NAV3: variants seen among roughly 807,000 people sequenced by gnomAD.
NAV3 encodes the protein pore membrane and/or filament interacting like protein 1.
A neutral mutation model predicts 244.7 loss-of-function variants in NAV3; 87 were observed. The ratio of observed to expected loss-of-function variants is 0.36; its 90% CI spans 0.30 to 0.42. NAV3 has a LOEUF of 0.42. NAV3 is among the 20% of genes least tolerant of loss of function. The probability of loss-of-function intolerance (pLI) is 1.00; values close to 1 mark genes in which losing one functional copy is unlikely to be tolerated. For missense variants in NAV3, 2,663 were observed against 2,893.3 expected, an observed-to-expected ratio of 0.92 and a Z score of 1.83; for synonymous variants, 1,126 against 1,042.2, an observed-to-expected ratio of 1.08 and a Z score of -1.55.
intron 1 of NAV3, among the ~76,000 whole-genome samples, chr12:77,880,954 T>C (rs1193143527): frequency 1.3e-5 from 2 of 152,120 alleles, no homozygotes; most frequent in African/African-American, 2.4e-5. Flanking sequence ...TTATATTTCA[T>C]TTATTTATTT....
chr12:77,810,262 C>T (rs1216741043), intron 2 of NAV3, among the ~76,000 whole-genome samples: 2 of 152,176 alleles, frequency 1.3e-5, no homozygotes, highest in Non-Finnish European at 2.9e-5. Flanking sequence ...AGCTCCGCCT[C>T]CCGGGTTCAC....
intron 2 of NAV3, among the ~76,000 whole-genome samples, chr12:77,676,961 T>C (rs560395267): frequency 1.3e-5 from 2 of 152,300 alleles, no homozygotes; most frequent in South Asian, 4.1e-4. Flanking sequence ...AATTGAAATG[T>C]TGACTCTAGA....
At chr12:77,841,862 T>A (rs1301702643) in intron 1 of NAV3, among the ~76,000 whole-genome samples, 1 of 152,112 alleles carries the variant, frequency 6.6e-6, no homozygotes, top group Non-Finnish European at 1.5e-5. Context: ...GAGGATTGCA[T>A]AAGAGGCTGG....
intron 1 of NAV3, among the ~76,000 whole-genome samples, chr12:77,862,256 A>C (rs1879359194): frequency 6.6e-6 from 1 of 151,792 alleles, no homozygotes; most frequent in African/African-American, 2.4e-5. Context: ...TTTTAAGTTA[A>C]ATATATAGAA....
intron 2 of NAV3, among the ~76,000 whole-genome samples, chr12:77,632,760 A>C (rs1179582552): frequency 6.6e-6 from 1 of 152,194 alleles, no homozygotes. Context: ...GTAATACACC[A>C]ATTTTTGTCT....
At chr12:77,727,167 A>G (rs999075551) in intron 2 of NAV3, among the ~76,000 whole-genome samples, 3 of 151,930 alleles carry the variant, frequency 2.0e-5, no homozygotes, top group Admixed American at 2.0e-4. Context: ...GATTCCATTT[A>G]CTAGGACTGG....
intron 12 of NAV3, among the ~76,000 whole-genome samples, chr12:78,084,924 T>A (rs553007568): frequency 1.3e-5 from 2 of 152,226 alleles, no homozygotes; most frequent in South Asian, 4.1e-4. Flanking sequence ...TTATTTATGA[T>A]GTTTGAATAG....
At chr12:77,947,760 G>A (rs920413093) in intron 3 of NAV3, among the ~76,000 whole-genome samples, 2 of 151,952 alleles carry the variant, frequency 1.3e-5, no homozygotes, top group Admixed American at 6.6e-5. Context: ...GCAAAAATAT[G>A]TATAAACTAC....
At chr12:77,764,702 T>G (rs969147634) in intron 2 of NAV3, among the ~76,000 whole-genome samples, 2 of 152,238 alleles carry the variant, frequency 1.3e-5, no homozygotes, top group Non-Finnish European at 2.9e-5. Flanking sequence ...TCACTGAATT[T>G]TATTATTCCT....
intron 1 of NAV3, among the ~76,000 whole-genome samples, chr12:77,922,329 G>T (rs74106214): frequency 2.0e-5 from 3 of 152,014 alleles, no homozygotes; most frequent in African/African-American, 7.3e-5. Context: ...GAGGGCCAGC[G>T]CTTCTTTTCC....
intron 2 of NAV3, among the ~76,000 whole-genome samples, chr12:77,654,825 C>T (rs896431892): frequency 2.0e-5 from 3 of 151,030 alleles, no homozygotes; most frequent in African/African-American, 7.4e-5. Context: ...CTGCAGACAC[C>T]ACTGCTAATA....
chr12:77,659,104 C>G (rs1435123737), intron 2 of NAV3, among the ~76,000 whole-genome samples: 9 of 151,642 alleles, frequency 5.9e-5, no homozygotes, highest in Non-Finnish European at 1.0e-4. Flanking sequence ...CCAAAATTGA[C>G]AAATGGGATC....
chr12:78,020,646 A>G (rs1384413147), intron 8 of NAV3, among the ~76,000 whole-genome samples: 1 of 152,184 alleles, frequency 6.6e-6, no homozygotes, highest in African/African-American at 2.4e-5. Flanking sequence ...TAGGACTGTC[A>G]GTTAAATATT....
chr12:77,920,139 T>C (rs1379924095), intron 1 of NAV3, among the ~76,000 whole-genome samples: 1 of 151,990 alleles, frequency 6.6e-6, no homozygotes, highest in African/African-American at 2.4e-5. Flanking sequence ...GCAAATTGCT[T>C]AGTATCTTTA....
chr12:77,587,561 T>TA (rs748318088), intron 2 of NAV3, among the ~76,000 whole-genome samples: 83 of 152,308 alleles, frequency 5.4e-4, no homozygotes, highest in Non-Finnish European at 9.4e-4. Flanking sequence ...AATCATTAGT[T>TA]ACGTTTATAT....
intron 2 of NAV3, among the ~76,000 whole-genome samples, chr12:77,779,752 C>G (rs539616383): frequency 1.2e-4 from 19 of 152,266 alleles, no homozygotes; most frequent in African/African-American, 4.3e-4. Context: ...CATCAACATG[C>G]GAGTTCTTTT....
At chr12:78,049,711 AG>A (rs200836020) in intron 9 of NAV3, among the ~76,000 whole-genome samples, 8,710 of 152,234 alleles carry the variant, frequency 0.057, 716 homozygotes, top group African/African-American at 0.19. Flanking sequence ...AACATGGATT[AG>A]TAAACAGCAT....
chr12:78,175,274 G>C, intron 24 of NAV3, 32 bp from the exon 25 acceptor site: 1 of 1,606,612 alleles, frequency 6.2e-7, no homozygotes, highest in Non-Finnish European at 8.5e-7. Flanking sequence ...GACTCTTCAT[G>C]AGCCGATGTG....
chr12:78,204,139 G>A lies in NAV3; in HGVS notation c.6835-796G>A, dbSNP rs2140076634. Among the ~76,000 whole-genome samples the A allele has an allele frequency of 2.0e-5, 3 of 151,620 alleles. 1 individual carries two copies. The highest frequency in any genetic ancestry group is 6.8e-3 in the Middle Eastern group (2 of 292). On this transcript the variant is annotated intron_variant, in intron 38 of 39. Coordinates refer to ENST00000397909, the MANE Select transcript of NAV3 (RefSeq NM_001024383.2). Reference sequence around the variant, plus strand: ...AAACACCGCATGTTCTCACTCATAGGTGGGAATTGAACAATGAGAACACAT... The same window carrying A: ...AAACACCGCATGTTCTCACTCATAGATGGGAATTGAACAATGAGAACACAT...
Sources: allele counts gnomAD v4.1 joint callset (sites outside exome capture counted in the v4.1 genomes callset), GRCh38; gene constraint gnomAD v4.1.1; transcripts MANE v1.5; gene names NCBI Gene and HGNC (gene_info 2026-07-23, HGNC 2026-07-21).